The following LINGO1 variants were observed in gnomAD, a reference collection of about 807,000 sequenced individuals.
The protein encoded by LINGO1 is leucine-rich repeat and immunoglobulin-like domain-containing nogo receptor-interacting protein 1.
A neutral mutation model predicts 37.3 loss-of-function variants in LINGO1; 11 were observed. That is an observed-to-expected ratio of 0.29 (90% CI 0.19 to 0.49). The LOEUF (loss-of-function observed/expected upper bound fraction) is 0.49. Ranked by LOEUF, LINGO1 falls within the 20% of genes least tolerant of loss-of-function variation. LINGO1 has a pLI of 0.99. For synonymous variants in LINGO1, 387 were observed against 403.0 expected, an observed-to-expected ratio of 0.96 and a Z score of 0.48; for missense variants, 585 against 878.2, an observed-to-expected ratio of 0.67 and a Z score of 4.22.
chr15:77,734,876 A>AGG (rs1005277827), intron 2 of LINGO1: 1 of 152,270 alleles, frequency 6.6e-6, no homozygotes, highest in South Asian at 2.1e-4. Flanking sequence ...GGGAAGGGAA[A>AGG]GGGGGGTCCA....
At chr15:77,759,548 C>T (rs1392092692) in intron 1 of LINGO1, among the ~76,000 whole-genome samples, 1 of 152,218 alleles carries the variant, frequency 6.6e-6, no homozygotes, top group African/African-American at 2.4e-5. Flanking sequence ...ATCGAAGCAC[C>T]AGGACCAGTG....
chr15:77,753,073 G>A (rs1405933258), intron 1 of LINGO1, among the ~76,000 whole-genome samples: 1 of 152,218 alleles, frequency 6.6e-6, no homozygotes, highest in East Asian at 1.9e-4. Context: ...TGCCATCCCT[G>A]GCTTTCTCGC....
chr15:77,651,026 G>A (rs775175604), intron 3 of LINGO1, among the ~76,000 whole-genome samples: 2 of 152,024 alleles, frequency 1.3e-5, no homozygotes, highest in African/African-American at 2.4e-5. Flanking sequence ...TAGGGGTCAA[G>A]CAGAAAAGGA....
chr15:77,772,940 C>T (rs1273845915), intron 1 of LINGO1, among the ~76,000 whole-genome samples: 1 of 152,184 alleles, frequency 6.6e-6, no homozygotes, highest in Non-Finnish European at 1.5e-5. Flanking sequence ...GAGTGGGCTT[C>T]AGTCTCTCCC....
intron 1 of LINGO1, among the ~76,000 whole-genome samples, chr15:77,814,352 A>G (rs989279627): frequency 2.0e-5 from 3 of 152,244 alleles, no homozygotes; most frequent in Non-Finnish European, 4.4e-5. Context: ...TCATCTGTGA[A>G]ACGGAACAAT....
In LINGO1 at chr15:77,691,086, A is replaced by C. The variant is rs575673698; in HGVS notation, c.-280-185T>G. 2.4e-3 allele frequency among the ~76,000 whole-genome samples: 364 copies of C among 152,356 alleles called. 3 individuals are homozygous for C. Among genetic ancestry groups the C allele is most frequent in the African/African-American group, 8.2e-3 (342 of 41,580 alleles). ...CACAATGACAATGTTCTGTCTCTGC[A>C]CTGTCCAATATGGCAGCCACCAGTC... On this transcript the variant is annotated intron_variant, in intron 1 of 3. Coordinates refer to the LINGO1 transcript ENST00000559893.
chr15:77,693,051 A>G (rs1483234528), intron 1 of LINGO1, among the ~76,000 whole-genome samples: 1 of 152,178 alleles, frequency 6.6e-6, no homozygotes, highest in Admixed American at 6.5e-5. Flanking sequence ...GGTGATTCCC[A>G]GCTTACACAC....
Position 77,614,364 on chromosome 15 carries a change from G to A in LINGO1, c.1543C>T (p.Arg515Cys), listed in dbSNP as rs373336312. 1.2e-6 allele frequency: 2 copies of A among 1,613,836 alleles called. No homozygotes were observed. Among genetic ancestry groups the A allele is most frequent in the Admixed American group, 1.7e-5 (1 of 60,036 alleles). The change falls in exon 2 of 2, where the codon CGC (arginine) becomes TGC (cysteine). Residue 515 changes from arginine (R) to cysteine (C), a missense_variant. Arg to Cys is a radical substitution (Grantham distance 180). This residue lies in a region of LINGO1 where 484 missense variants were observed against 735.0 expected (regional missense o/e 0.66). Transcript: ENST00000355300. ...TGGGGCCAGTCGGGCGAGTAGCTGC[G>A]CACATGCAGGTGGGCGGGCATGGAG... Reference protein sequence around the residue: ...NDSMPAHLHVRSYSPDWPHQP... With the variant: ...NDSMPAHLHVCSYSPDWPHQP...
chr15:77,733,833 A>G (rs1272333261), intron 2 of LINGO1, among the ~76,000 whole-genome samples: 1 of 152,054 alleles, frequency 6.6e-6, no homozygotes, highest in Non-Finnish European at 1.5e-5. Flanking sequence ...TGGCCCTTGC[A>G]GGGGTGTCTG....
At chr15:77,816,808 C>CAGA (rs1219901864) in intron 1 of LINGO1, among the ~76,000 whole-genome samples, 3 of 152,142 alleles carry the variant, frequency 2.0e-5, no homozygotes, top group East Asian at 3.9e-4. Flanking sequence ...GTGGAGGTAC[C>CAGA]AGAAGAACCG....
At chr15:77,688,499 CG>C (rs1413517052) in intron 2 of LINGO1, among the ~76,000 whole-genome samples, 6 of 151,792 alleles carry the variant, frequency 4.0e-5, no homozygotes, top group Admixed American at 1.3e-4. Flanking sequence ...TCCTGACCCT[CG>C]GAGGGCAGAG....
rs369281069 is a variant in LINGO1, at chr15:77,796,389, C to T, written c.-457-336G>A. Reference sequence around the variant, plus strand: ...CGCAGAGTTTGTGGCCCCAGGCAGGCTGGAGTCTGACTATGCCTCTCCCAC... The same window carrying T: ...CGCAGAGTTTGTGGCCCCAGGCAGGTTGGAGTCTGACTATGCCTCTCCCAC... On this transcript the variant is annotated intron_variant, in intron 1 of 5. Coordinates refer to the LINGO1 transcript ENST00000562933. Among the ~76,000 whole-genome samples the T allele has an allele frequency of 2.5e-3, 381 of 152,366 alleles. 15 individuals are homozygous for T. In the South Asian group the frequency reaches 0.076, roughly 30 times the overall value.
In LINGO1 at chr15:77,626,574, C is replaced by T. The variant is rs117388104; in HGVS notation, c.6+5736G>A. The stretch of plus-strand genomic sequence containing the variant: ...TGTTCAGGCACAATGGATGCCACTA[C>T]CCGGCTGCCCGTTCATAAGAAGCCC... On this transcript the variant is annotated intron_variant, in intron 1 of 1. Transcript: ENST00000355300. Among the ~76,000 whole-genome samples the T allele has an allele frequency of 5.3e-3, 802 of 152,272 alleles. 4 individuals carry two copies. The highest frequency in any genetic ancestry group is 0.011 in the South Asian group (52 of 4,818).
intron 3 of LINGO1, among the ~76,000 whole-genome samples, chr15:77,649,878 C>T (rs1419053286): frequency 2.6e-5 from 4 of 151,906 alleles, no homozygotes; most frequent in Non-Finnish European, 4.4e-5. Flanking sequence ...CCCCGCGACT[C>T]CTACCACCAA....
chr15:77,815,966 C>A (rs1280836421), intron 1 of LINGO1, among the ~76,000 whole-genome samples: 1 of 152,198 alleles, frequency 6.6e-6, no homozygotes, highest in Non-Finnish European at 1.5e-5. Context: ...CACCTCCATG[C>A]CTTTGCCAGT....
At chr15:77,623,317 A>G (rs1490366114) in intron 1 of LINGO1, among the ~76,000 whole-genome samples, 1 of 152,194 alleles carries the variant, frequency 6.6e-6, no homozygotes, top group Non-Finnish European at 1.5e-5. Context: ...AGCCTGGTCA[A>G]CTTGAGAGCA....
rs141583893 is a variant in LINGO1 at position 77,797,646 on chromosome 15, C to T, written c.-457-1593G>A. Among the ~76,000 whole-genome samples the T allele has an allele frequency of 9.8e-3, 1,486 of 152,334 alleles. 26 individuals are homozygous for T. Among genetic ancestry groups the T allele is most frequent in the African/African-American group, 0.034 (1,416 of 41,578 alleles). ...AGCCCTTGAGAGGGCAAGCAGCTTC[C>T]GCCTTCCCTGGAGGGCCAGACCAGC... On this transcript the variant is annotated intron_variant, in intron 1 of 5. Coordinates refer to the LINGO1 transcript ENST00000562933.
intron 1 of LINGO1, among the ~76,000 whole-genome samples, chr15:77,694,778 C>T (rs1028800938): frequency 3.9e-5 from 6 of 152,210 alleles, no homozygotes; most frequent in Non-Finnish European, 7.3e-5. Flanking sequence ...CACGAGGCGT[C>T]GTTCTTACCC....
At chr15:77,619,747 AG>A (rs1811641036) in intron 1 of LINGO1, among the ~76,000 whole-genome samples, 1 of 152,070 alleles carries the variant, frequency 6.6e-6, no homozygotes, top group African/African-American at 2.4e-5. Flanking sequence ...AAAATAAAAA[AG>A]AAATACATTG....
Sources: gnomAD v4.1 joint callset for allele counts (sites outside exome capture counted in the v4.1 genomes callset) on GRCh38, gnomAD v4.1.1 for gene constraint, gnomAD v4.1.1 regional missense constraint, MANE v1.5 for transcripts, NCBI Gene and HGNC (gene_info 2026-07-23, HGNC 2026-07-21) for gene names.